Variants in LAMA4 observed in about 807,000 individuals in gnomAD.
LAMA4 encodes the protein laminin subunit alpha-4.
LAMA4 carries 127 observed loss-of-function variants against 207.1 expected under a neutral mutation model. The ratio of observed to expected loss-of-function variants is 0.61; its 90% confidence interval spans 0.53 to 0.71. The LOEUF (loss-of-function observed/expected upper bound fraction) is 0.71, where lower values mean the gene tolerates loss of function less well. LAMA4 is among the 30% of genes least tolerant of loss of function. The pLI, the probability that LAMA4 is intolerant of heterozygous loss-of-function variation, is 0.00. For synonymous variants in LAMA4, 761 were observed against 816.0 expected (o/e 0.93, Z 1.15); for missense variants, 2,093 against 2,246.5 (o/e 0.93, Z 1.38).
chr6:112,148,075 A>G (rs1780142902), intron 18 of LAMA4, 82 bp downstream of exon 18: 1 of 1,392,780 alleles, frequency 7.2e-7, no homozygotes, highest in Non-Finnish European at 1.0e-6. Context: ...AAATGAAGAA[A>G]ACTGTTTTTT....
chr6:112,241,604 T>C (rs1279891425), intron 2 of LAMA4, among the ~76,000 whole-genome samples: 1 of 152,144 alleles, frequency 6.6e-6, no homozygotes, highest in African/African-American at 2.4e-5. Context: ...TTAATATTAA[T>C]GCCTTCCTCT....
intron 11 of LAMA4, among the ~76,000 whole-genome samples, chr6:112,175,049 T>C (rs143300469): frequency 1.3e-5 from 2 of 152,356 alleles, no homozygotes; most frequent in African/African-American, 4.8e-5. Context: ...TACTGTTTTA[T>C]ACGTTTTTCA....
chr6:112,144,761 GCTGA>G, intron 19 of LAMA4, 29 bp downstream of exon 19: 1 of 1,609,726 alleles, frequency 6.2e-7, no homozygotes, highest in South Asian at 1.1e-5. Flanking sequence ...TATTATTACC[GCTGA>G]CTGACTGATG....
At chr6:112,190,936 T>C (rs1434192236) in intron 6 of LAMA4, among the ~76,000 whole-genome samples, 2 of 68,802 alleles carry the variant, frequency 2.9e-5, no homozygotes, top group African/African-American at 6.1e-5. Flanking sequence ...TCTTTCTTTC[T>C]TTCTTTCTTT....
intron 23 of LAMA4, among the ~76,000 whole-genome samples, 184 bp from the exon 24 acceptor site, chr6:112,139,475 T>C (rs1779552435): frequency 6.6e-6 from 1 of 152,252 alleles, no homozygotes; most frequent in Non-Finnish European, 1.5e-5. Flanking sequence ...TGTTTTCTTC[T>C]GTATCCTGTG....
intron 7 of LAMA4, 112 bp from the exon 8 acceptor site, chr6:112,187,713 C>G (rs1782777961): frequency 2.8e-6 from 3 of 1,071,170 alleles, no homozygotes; most frequent in African/African-American, 1.6e-5. Context: ...TTATTTTTGT[C>G]TCATGAAGAG....
chr6:112,187,553 G>C lies in LAMA4; in HGVS notation c.863C>G (p.Ala288Gly), dbSNP rs150084275. The change falls in exon 8 of 39, where the codon GCG becomes GGG. Residue 288 changes from alanine to glycine, a missense_variant. Physicochemically the swap from Ala to Gly is moderately conservative, Grantham distance 60 (BLOSUM62 0). Transcript: ENST00000230538. ...GGATTTGCCTTCCTCGATGGAGAGC[G>C]CTGCTAACCGCAGGTCATCAGTCAG... ...WDLTDDLRLA[A>G]LSIEEGKSGV... 5.2e-4 allele frequency: 834 copies of C among 1,613,910 alleles called. No homozygotes were observed. Among genetic ancestry groups the C allele is most frequent in the South Asian group, 8.9e-4 (81 of 91,076 alleles).
Position 112,135,836 on chromosome 6 carries a change from C to T in LAMA4, c.3414+287G>A, listed in dbSNP as rs150954297. The T allele has an allele frequency of 3.2e-5, 12 of 373,120 alleles. No individual in the cohort carries two copies. In the East Asian group the frequency reaches 8.0e-4, roughly 25 times the overall value. 23.1% of individuals were successfully genotyped at this position (373,120 alleles called of 1,614,324 possible). On this transcript the variant is annotated intron_variant, in intron 25 of 38. Transcript: ENST00000230538. Reference sequence around the variant, plus strand: ...TGTATAGAAGTATCCTGTAGGAATACCAATTGAGATATTTAAGATTAATAG... The same window carrying T: ...TGTATAGAAGTATCCTGTAGGAATATCAATTGAGATATTTAAGATTAATAG...
At chr6:112,251,320 G>T (rs1787435781) in intron 2 of LAMA4, 1 of 152,206 alleles carries the variant, frequency 6.6e-6, no homozygotes, top group South Asian at 2.1e-4. Flanking sequence ...GCCAGAGTTT[G>T]TGTCTTGGGC....
intron 11 of LAMA4, among the ~76,000 whole-genome samples, chr6:112,173,826 C>T (rs1781862175): frequency 6.6e-6 from 1 of 152,128 alleles, no homozygotes; most frequent in Non-Finnish European, 1.5e-5. Flanking sequence ...TGTCATTAGT[C>T]CCTTTGTAAT....
At chr6:112,174,274 G>A (rs994944542) in intron 11 of LAMA4, among the ~76,000 whole-genome samples, 2 of 152,286 alleles carry the variant, frequency 1.3e-5, no homozygotes, top group East Asian at 1.9e-4. Flanking sequence ...TAAAGCTGCC[G>A]TTATGTGAAC....
At chr6:112,200,431 G>T (rs1259665416) in intron 5 of LAMA4, among the ~76,000 whole-genome samples, 1 of 152,228 alleles carries the variant, frequency 6.6e-6, no homozygotes. Flanking sequence ...TACACTGTTG[G>T]TGGAAGTGTA....
chr6:112,254,035 C>T lies in LAMA4; in HGVS notation c.116G>A (p.Ser39Asn), dbSNP rs1787672455. ...DNAFPFDIEG[S>N]SAVGRQDPPE... ...CGGGTCTTGCCTGCCAACCGCTGAGCTCCCTTCAATGTCAAAAGGAAAAGC... is the reference window on the plus strand; with the variant it reads ...CGGGTCTTGCCTGCCAACCGCTGAGTTCCCTTCAATGTCAAAAGGAAAAGC... Residue 39 changes from serine (S) to asparagine (N), a missense_variant, in exon 2 of 39, where the codon AGC becomes AAC. Ser to Asn is a conservative substitution (Grantham distance 46, BLOSUM62 1). This residue lies in a region of LAMA4 where 1,704 missense variants were observed against 1,788.4 expected (regional missense o/e 0.95). Coordinates refer to ENST00000230538, the MANE Select transcript of LAMA4 (RefSeq NM_001105206.3). 1 of 1,597,326 alleles carries T rather than the reference C, an allele frequency of 6.3e-7. No homozygotes were observed. Among genetic ancestry groups the T allele is most frequent in the Non-Finnish European group, 8.5e-7 (1 of 1,171,676 alleles).
rs1487527129 is a variant in LAMA4 at position 112,202,027 on chromosome 6, A to G, written c.423-339T>C. 2.6e-5 allele frequency among the ~76,000 whole-genome samples: 4 copies of G among 152,170 alleles called. 1 individual carries two copies. The highest frequency in any genetic ancestry group is 9.7e-5 in the African/African-American group (4 of 41,438). ...TCCCCTTTTATTTCCATCACTGTCT[A>G]TGTAGTCATTTAAAAGTTTCCCCTT... On this transcript the variant is annotated intron_variant, in intron 4 of 38. Transcript: ENST00000230538.
chr6:112,178,170 G>C lies in LAMA4; in HGVS notation c.1140C>G (p.His380Gln), dbSNP rs782378476. 1 of 1,613,796 alleles carries C rather than the reference G, an allele frequency of 6.2e-7. No homozygotes were observed. The highest frequency in any genetic ancestry group is 8.5e-7 in the Non-Finnish European group (1 of 1,179,844). The change falls in exon 10 of 39, where the codon CAC becomes CAG. Residue 380 changes from histidine to glutamine, a missense_variant. Transcript: ENST00000230538. ...GGGCTTGCTCTACCAGCTGACTTGC[G>C]TGGTTAATGGTGTCCATGCTTTCCT... The part of the protein sequence containing the change: ...VQKESMDTIN[H>Q]ASQLVEQAHD...
chr6:112,227,992 C>T (rs1785319486), intron 2 of LAMA4, among the ~76,000 whole-genome samples: 1 of 152,196 alleles, frequency 6.6e-6, no homozygotes, highest in Non-Finnish European at 1.5e-5. Flanking sequence ...TTCCAGTTGA[C>T]TGAGAAATTA....
At chr6:112,121,525 A>G (rs1554326138) in intron 32 of LAMA4, among the ~76,000 whole-genome samples, 1 of 152,252 alleles carries the variant, frequency 6.6e-6, no homozygotes, top group Non-Finnish European at 1.5e-5. Flanking sequence ...CTTCAGTAAT[A>G]TCAGATAACC....
At chr6:112,241,117 A>C in intron 2 of LAMA4, among the ~76,000 whole-genome samples, 1 of 107,598 alleles carries the variant, frequency 9.3e-6, no homozygotes, top group Middle Eastern at 5.2e-3. Flanking sequence ...ATATATATGA[A>C]TATATATATG....
intron 9 of LAMA4, 90 bp downstream of exon 9, chr6:112,185,147 A>T: frequency 2.3e-6 from 2 of 854,286 alleles, no homozygotes; most frequent in Non-Finnish European, 4.1e-6. Context: ...GGGCTGTGTT[A>T]AGCCTCAGTC....
Sources: gnomAD v4.1 joint callset for allele counts (sites outside exome capture counted in the v4.1 genomes callset) on GRCh38, gnomAD v4.1.1 for gene constraint, gnomAD v4.1.1 regional missense constraint, MANE v1.5 for transcripts, NCBI Gene and HGNC (gene_info 2026-07-23, HGNC 2026-07-21) for gene names.